The following ZMYM2 variants were observed in gnomAD, a reference collection of about 807,000 sequenced individuals.
ZMYM2 encodes the protein zinc finger MYM-type containing 2.
ZMYM2 carries 56 observed loss-of-function variants against 162.8 expected under a neutral mutation model. The ratio of observed to expected loss-of-function variants is 0.34; its 90% CI spans 0.28 to 0.43. The LOEUF (loss-of-function observed/expected upper bound fraction) is 0.43, where lower values mean the gene tolerates loss of function less well. Ranked by LOEUF, ZMYM2 falls within the 20% of genes least tolerant of loss-of-function variation. ZMYM2 has a pLI of 1.00. For missense variants in ZMYM2, 1,275 were observed against 1,621.8 expected (o/e 0.79, Z 3.67); for synonymous variants, 510 against 541.6 (o/e 0.94, Z 0.81).
intron 12 of ZMYM2, among the ~76,000 whole-genome samples, chr13:20,046,581 A>ATGTGTGTG (rs1249162923): frequency 4.6e-4 from 54 of 117,504 alleles, no homozygotes; most frequent in Admixed American, 1.6e-3. Context: ...ATATATATAT[A>ATGTGTGTG]TGTGTGTGTG....
At chr13:20,074,246 CAGAG>C (rs1328170517) in intron 21 of ZMYM2, among the ~76,000 whole-genome samples, 2 of 132,442 alleles carry the variant, frequency 1.5e-5, no homozygotes, top group East Asian at 2.2e-4. Flanking sequence ...GTGAGAGAGA[CAGAG>C]AGACAGGGTC....
Position 19,993,487 on chromosome 13 carries a change from A to G in ZMYM2, c.415A>G (p.Ile139Val). ...QGQEKNSSNF[I>V]ERRPPETKNR... ...GCAAGAGAAAAATTCCTCCAATTTT[A>G]TTGAACGAAGACCTCCTGAGACTAA... The change falls in exon 3 of 25, where the codon ATT becomes GTT. Residue 139 changes from isoleucine (I) to valine (V), a missense_variant. Coordinates refer to ENST00000610343, the MANE Select transcript of ZMYM2 (RefSeq NM_197968.4). 1 of 1,614,176 alleles carries G rather than the reference A, an allele frequency of 6.2e-7. No individual in the cohort carries two copies. Among genetic ancestry groups the G allele is most frequent in the Non-Finnish European group, 8.5e-7 (1 of 1,180,020 alleles).
At chr13:20,031,581 CAT>C (rs1420143935) in intron 10 of ZMYM2, 146 bp downstream of exon 10, 2 of 580,480 alleles carry the variant, frequency 3.4e-6, no homozygotes, top group Non-Finnish European at 5.8e-6. Flanking sequence ...TATTTATTCT[CAT>C]GTGGGAGTGG....
intron 8 of ZMYM2, 92 bp downstream of exon 8, chr13:20,026,854 A>C (rs895648827): frequency 7.6e-7 from 1 of 1,323,594 alleles, no homozygotes; most frequent in South Asian, 1.5e-5. Context: ...GCTTGTTTTT[A>C]ACAGCTTTTT....
chr13:19,938,656 T>TCA, the ZMYM2 span, among the ~76,000 whole-genome samples: 1 of 152,034 alleles, frequency 6.6e-6, no homozygotes, highest in East Asian at 1.9e-4. Flanking sequence ...AGCAAAACAG[T>TCA]CACTCACACT....
intron 12 of ZMYM2, among the ~76,000 whole-genome samples, chr13:20,047,925 A>G (rs759264011): frequency 6.6e-6 from 1 of 152,096 alleles, no homozygotes; most frequent in Non-Finnish European, 1.5e-5. Context: ...TCCAGGCGTA[A>G]TGAAAAACCT....
chr13:20,086,022 C>T lies in ZMYM2; in HGVS notation c.*8C>T, dbSNP rs201201280. On this transcript the variant is annotated 3_prime_UTR_variant, in exon 25 of 25. Coordinates refer to ENST00000610343, the MANE Select transcript of ZMYM2 (RefSeq NM_197968.4). ...GATGAAGACACAGACTAAAAAGGAA[C>T]GTTGCAGAAGCAATCGGGATAAAAC... 4.3e-5 allele frequency: 69 copies of T among 1,611,784 alleles called. No individual in the cohort carries two copies. In the Middle Eastern group the frequency reaches 5.0e-4, roughly 12 times the overall value.
chr13:20,038,918 A>C (rs1423401415), intron 12 of ZMYM2, among the ~76,000 whole-genome samples: 1 of 151,754 alleles, frequency 6.6e-6, no homozygotes, highest in Non-Finnish European at 1.5e-5. Context: ...ATGAGCATGG[A>C]ATGTTTTTCC....
chr13:20,063,403 T>TAA lies in ZMYM2; in HGVS notation c.3037+454_3037+455dup, dbSNP rs774452570. Among the ~76,000 whole-genome samples the TAA allele has an allele frequency of 9.3e-3, 1,122 of 121,148 alleles. 13 individuals carry two copies. Among genetic ancestry groups the TAA allele is most frequent in the African/African-American group, 0.027 (860 of 31,844 alleles). 79.5% of individuals were successfully genotyped at this position (121,148 alleles called of 152,430 possible). ...GGGCAGCAGAGTGAGACCCTGTCTTTAAAAAAAAAAAAAAAAAAAAAAATT... is the reference window on the plus strand; with the variant it reads ...GGGCAGCAGAGTGAGACCCTGTCTTTAAAAAAAAAAAAAAAAAAAAAAAAATT... On this transcript the variant is annotated intron_variant, in intron 18 of 24. Coordinates refer to ENST00000610343, the MANE Select transcript of ZMYM2 (RefSeq NM_197968.4).
intron 21 of ZMYM2, among the ~76,000 whole-genome samples, chr13:20,080,331 C>G (rs1005389148): frequency 2.0e-5 from 3 of 152,182 alleles, no homozygotes; most frequent in Admixed American, 1.3e-4. Context: ...ATTGGATCAA[C>G]TCAGATGATG....
chr13:19,867,713 C>T, the ZMYM2 span, among the ~76,000 whole-genome samples: 1 of 152,004 alleles, frequency 6.6e-6, no homozygotes, highest in East Asian at 1.9e-4. Flanking sequence ...GCAACCTCCG[C>T]CTCCCGGGTT....
chr13:19,892,660 A>AT, the ZMYM2 span, among the ~76,000 whole-genome samples: 6 of 151,324 alleles, frequency 4.0e-5, no homozygotes, highest in South Asian at 2.1e-4. Context: ...AAGTAGAGGG[A>AT]TTTTTTGTCC....
the ZMYM2 span, chr13:19,864,913 A>G: frequency 6.6e-6 from 1 of 152,308 alleles, no homozygotes; most frequent in Admixed American, 6.5e-5. Flanking sequence ...ACTCCACGTA[A>G]AGATGGAAGC....
intron 21 of ZMYM2, among the ~76,000 whole-genome samples, chr13:20,079,048 C>T (rs900689977): frequency 3.3e-5 from 5 of 150,924 alleles, no homozygotes; most frequent in Admixed American, 6.6e-5. Context: ...TGGCTGGGCG[C>T]GGTGTCTCAT....
intron 11 of ZMYM2, among the ~76,000 whole-genome samples, chr13:20,036,025 G>A (rs937272855): frequency 6.6e-6 from 1 of 152,026 alleles, no homozygotes. Flanking sequence ...CAGCATTTGT[G>A]GTAGGGGGAT....
intron 9 of ZMYM2, among the ~76,000 whole-genome samples, chr13:20,028,808 CTT>C (rs796879715): frequency 7.8e-5 from 11 of 140,184 alleles, no homozygotes; most frequent in Admixed American, 1.4e-4. Flanking sequence ...ATGCAATCAT[CTT>C]TTTTTTTTTT....
chr13:19,946,959 C>T, the ZMYM2 span, among the ~76,000 whole-genome samples: 1 of 151,546 alleles, frequency 6.6e-6, no homozygotes, highest in African/African-American at 2.4e-5. Flanking sequence ...AGTGTGCTGC[C>T]TCTCTCAAGA....
At position 20,042,049 on chromosome 13, in the gene ZMYM2, T is replaced by C. The variant is rs556213561; in HGVS notation, c.2292+5140T>C. 1.1e-4 allele frequency among the ~76,000 whole-genome samples: 16 copies of C among 152,278 alleles called. No individual in the cohort carries two copies. In the South Asian group the frequency reaches 3.3e-3, roughly 32 times the overall value. On this transcript the variant is annotated intron_variant, in intron 12 of 24. Transcript: ENST00000610343. ...GATTATGTGCCTTGAGAATGATCTT[T>C]TTATGAAGTATCATACTGGGGTTCT...
At chr13:20,070,330 CT>C in intron 21 of ZMYM2, 1 of 220,246 alleles carries the variant, frequency 4.5e-6, no homozygotes, top group Non-Finnish European at 1.0e-5. Context: ...TATATTCTTT[CT>C]TAACATTTTT....
Sources: allele counts gnomAD v4.1 joint callset (sites outside exome capture counted in the v4.1 genomes callset), GRCh38; gene constraint gnomAD v4.1.1; transcripts MANE v1.5; gene names NCBI Gene and HGNC (gene_info 2026-07-23, HGNC 2026-07-21).